TRIO: variants seen among roughly 807,000 people sequenced by gnomAD.
The protein encoded by TRIO is triple functional domain protein.
In TRIO, 58 loss-of-function variants were observed where a neutral mutation model predicts 351.9. The ratio of observed to expected loss-of-function variants is 0.16; its 90% CI spans 0.13 to 0.21. The LOEUF (loss-of-function observed/expected upper bound fraction) is 0.21, where lower values mean the gene tolerates loss of function less well. TRIO is among the 10% of genes least tolerant of loss of function. The probability of loss-of-function intolerance (pLI) is 1.00; values close to 1 mark genes in which losing one functional copy is unlikely to be tolerated. For synonymous variants in TRIO, 1,758 were observed against 1,595.7 expected, an observed-to-expected ratio of 1.10 and a Z score of -2.42; for missense variants, 3,201 against 4,027.8, an observed-to-expected ratio of 0.79 and a Z score of 5.56.
rs567776611 is a variant in TRIO, at chr5:14,466,835, C to T, written c.5763+1195C>T. 2.6e-5 allele frequency among the ~76,000 whole-genome samples: 4 copies of T among 152,364 alleles called. No homozygotes were observed. In the South Asian group the frequency reaches 8.3e-4, roughly 32 times the overall value. On this transcript the variant is annotated intron_variant, in intron 37 of 56. Coordinates refer to ENST00000344204, the MANE Select transcript of TRIO (RefSeq NM_007118.4). ...ATAATTAACACATCTTAAGGATCTT[C>T]TCACGTCAGTACATACAGATTACCT...
chr5:14,289,556 T>TA (rs970211653), intron 4 of TRIO, among the ~76,000 whole-genome samples: 6 of 132,032 alleles, frequency 4.5e-5, no homozygotes, highest in Admixed American at 7.6e-5. Flanking sequence ...TTTCCTTTTT[T>TA]AAAAAAAAAG....
chr5:14,375,714 G>A (rs759118988), intron 19 of TRIO, among the ~76,000 whole-genome samples: 1 of 152,108 alleles, frequency 6.6e-6, no homozygotes, highest in African/African-American at 2.4e-5. Context: ...TATCCAAGAG[G>A]GCGCTTAGCA....
At position 14,461,030 on chromosome 5, in the gene TRIO, G is replaced by A. The variant is rs1315846530; in HGVS notation, c.5215G>A (p.Val1739Ile). 4.4e-6 allele frequency: 7 copies of A among 1,573,634 alleles called. No homozygotes were observed. Among genetic ancestry groups the A allele is most frequent in the South Asian group, 2.3e-5 (2 of 85,800 alleles). Residue 1739 changes from valine (V) to isoleucine (I), a missense_variant, in exon 35 of 57, where the codon GTC becomes ATC. This residue lies in a region of TRIO where 193 missense variants were observed against 218.8 expected (regional missense o/e 0.88). Transcript: ENST00000344204. Reference sequence around the variant, plus strand: ...TTTCTCCCTGGCAGACTCGCTCTCCGTCTCCAGCAATGACGCCAGTCCACC... The same window carrying A: ...TTTCTCCCTGGCAGACTCGCTCTCCATCTCCAGCAATGACGCCAGTCCACC... Reference protein sequence around the residue: ...GIFNHKDSLSVSSNDASPPAS... With the variant: ...GIFNHKDSLSISSNDASPPAS...
chr5:14,421,854 C>T (rs138084421), intron 34 of TRIO, among the ~76,000 whole-genome samples: 150 of 152,234 alleles, frequency 9.9e-4, no homozygotes, highest in African/African-American at 3.6e-3. Context: ...AGGATTTAGA[C>T]GTGGAGTCCA....
intron 29 of TRIO, among the ~76,000 whole-genome samples, chr5:14,398,099 T>C (rs1747765536): frequency 6.6e-6 from 1 of 152,160 alleles, no homozygotes; most frequent in African/African-American, 2.4e-5. Flanking sequence ...CTTTTAACTG[T>C]TCCTGGGGCT....
chr5:14,505,067 C>A (rs1757568046), intron 55 of TRIO, among the ~76,000 whole-genome samples: 1 of 152,270 alleles, frequency 6.6e-6, no homozygotes, highest in Non-Finnish European at 1.5e-5. Flanking sequence ...CGCAGAATGT[C>A]CTCCGAAGAG....
chr5:14,295,787 C>G (rs1339867657), intron 6 of TRIO, among the ~76,000 whole-genome samples: 1 of 152,186 alleles, frequency 6.6e-6, no homozygotes, highest in Non-Finnish European at 1.5e-5. Context: ...GAGAGGTCAC[C>G]TTGCTGAGCA....
chr5:14,250,065 G>A (rs952776398), intron 1 of TRIO, among the ~76,000 whole-genome samples: 2 of 152,214 alleles, frequency 1.3e-5, no homozygotes, highest in African/African-American at 2.4e-5. Flanking sequence ...TTTGGAGCAT[G>A]TTTTATTTTT....
Position 14,439,217 on chromosome 5 carries a change from T to C in TRIO, c.5203+19196T>C, listed in dbSNP as rs550214121. Among the ~76,000 whole-genome samples the C allele has an allele frequency of 2.6e-5, 4 of 152,332 alleles. 1 individual carries two copies. Among genetic ancestry groups the C allele is most frequent in the African/African-American group, 9.6e-5 (4 of 41,586 alleles). On this transcript the variant is annotated intron_variant, in intron 34 of 56. Transcript: ENST00000344204. ...TTTTAATAGAGATGGGGTTTCACCATGTTGGCCAGGCTAGTCTCGAACTCC... is the reference window on the plus strand; with the variant it reads ...TTTTAATAGAGATGGGGTTTCACCACGTTGGCCAGGCTAGTCTCGAACTCC...
intron 36 of TRIO, among the ~76,000 whole-genome samples, chr5:14,464,157 G>C (rs1754057261): frequency 6.6e-6 from 1 of 152,156 alleles, no homozygotes; most frequent in South Asian, 2.1e-4. Context: ...ACCTGGCTAG[G>C]ACATGGGGCT....
In TRIO at chr5:14,182,842, T is replaced by C. The variant is rs541779137; in HGVS notation, c.157+38960T>C. Among the ~76,000 whole-genome samples the C allele has an allele frequency of 4.9e-5, 7 of 143,816 alleles. 1 individual carries two copies. In the South Asian group the frequency reaches 1.6e-3, roughly 33 times the overall value. The allele number at this position is 143,816 out of a possible 152,430, so 94.3% of individuals were successfully genotyped here. ...TTTTCCAGAGATTTCCTAAGGAAAA[T>C]TGGACCAAATACAGTGGAGACCCCC... On this transcript the variant is annotated intron_variant, in intron 1 of 56. Coordinates refer to ENST00000344204, the MANE Select transcript of TRIO (RefSeq NM_007118.4).
rs1431763446 is a variant in TRIO at position 14,143,481 on chromosome 5, G to GCCGTGGCT, written c.-241_-234dup. On this transcript the variant is annotated 5_prime_UTR_variant, in exon 1 of 57. Coordinates refer to ENST00000344204, the MANE Select transcript of TRIO (RefSeq NM_007118.4). ...CCGCGCTCCGGCCGGCGCCCGGGAG[G>GCCGTGGCT]CCGTGGCTCCGCGCCTCCGCCCCTC... Among the ~76,000 whole-genome samples the GCCGTGGCT allele has an allele frequency of 6.8e-6, 1 of 147,912 alleles. No individual in the cohort carries two copies. Among genetic ancestry groups the GCCGTGGCT allele is most frequent in the Non-Finnish European group, 1.5e-5 (1 of 66,468 alleles).
At chr5:14,168,668 T>C (rs1788924262) in intron 1 of TRIO, among the ~76,000 whole-genome samples, 1 of 152,238 alleles carries the variant, frequency 6.6e-6, no homozygotes, top group Admixed American at 6.5e-5. Flanking sequence ...TAGCATTCAG[T>C]TGGTCTGGCT....
intron 49 of TRIO, among the ~76,000 whole-genome samples, chr5:14,494,679 A>G (rs1274595290): frequency 2.0e-5 from 3 of 152,114 alleles, no homozygotes; most frequent in Non-Finnish European, 4.4e-5. Flanking sequence ...CGGGTGGATC[A>G]CCTGAGGTCA....
chr5:14,181,568 C>T (rs1016410119), intron 1 of TRIO, among the ~76,000 whole-genome samples: 2 of 151,916 alleles, frequency 1.3e-5, no homozygotes, highest in South Asian at 2.1e-4. Context: ...TTCTGGGGGG[C>T]GTAGTCTGTG....
chr5:14,429,047 C>G (rs1332360180), intron 34 of TRIO, among the ~76,000 whole-genome samples: 2 of 152,210 alleles, frequency 1.3e-5, no homozygotes, highest in African/African-American at 2.4e-5. Flanking sequence ...AATTTGTTCA[C>G]TCTAGTTAGC....
At chr5:14,258,816 C>A (rs1215446959) in intron 1 of TRIO, among the ~76,000 whole-genome samples, 1 of 152,172 alleles carries the variant, frequency 6.6e-6, no homozygotes, top group Non-Finnish European at 1.5e-5. Flanking sequence ...GATGGTCACA[C>A]AGTTGGAGCT....
rs16903505 is a variant in TRIO, at chr5:14,421,828, C to T, written c.5203+1807C>T. 6.5e-3 allele frequency among the ~76,000 whole-genome samples: 988 copies of T among 152,140 alleles called. 12 individuals carry two copies. The highest frequency in any genetic ancestry group is 0.02 in the African/African-American group (827 of 41,508). The stretch of plus-strand genomic sequence containing the variant: ...GAGACAGAGGCCATCATCAAAAAGT[C>T]GGGCAACAAGGGATGAGGATTTAGA... On this transcript the variant is annotated intron_variant, in intron 34 of 56. Coordinates refer to ENST00000344204, the MANE Select transcript of TRIO (RefSeq NM_007118.4).
intron 11 of TRIO, among the ~76,000 whole-genome samples, chr5:14,345,943 A>T (rs1006133107): frequency 6.6e-6 from 1 of 152,238 alleles, no homozygotes; most frequent in Non-Finnish European, 1.5e-5. Flanking sequence ...TCAAAGAACC[A>T]CAAGTCTTTG....
Sources: allele counts gnomAD v4.1 joint callset (sites outside exome capture counted in the v4.1 genomes callset), GRCh38; gene constraint gnomAD v4.1.1; regional missense constraint gnomAD v4.1.1; transcripts MANE v1.5; gene names NCBI Gene and HGNC (gene_info 2026-07-23, HGNC 2026-07-21).